The following LINS1 variants were observed in gnomAD, a reference collection of about 807,000 sequenced individuals.
LINS1 encodes the protein protein Lines homolog 1.
LINS1 carries 27 observed loss-of-function variants against 41.6 expected under a neutral mutation model. That is an observed-to-expected ratio of 0.65 (90% CI 0.48 to 0.89). The LOEUF is 0.89. Among genes scored for constraint, LINS1 ranks in the 40% least tolerant of loss-of-function variants. The probability of loss-of-function intolerance (pLI) is 0.00; values close to 1 mark genes in which losing one functional copy is unlikely to be tolerated. For synonymous variants in LINS1, 336 were observed against 312.9 expected (o/e 1.07, Z -0.78); for missense variants, 955 against 884.1 (o/e 1.08, Z -1.02).
At chr15:100,573,495 CTTTTT>C in intron 5 of LINS1, 151 bp downstream of exon 5, 1 of 612,736 alleles carries the variant, frequency 1.6e-6, no homozygotes, top group Non-Finnish European at 2.5e-6. Flanking sequence ...AAATCCAGTT[CTTTTT>C]TTTTTTTTTG....
In LINS1 at chr15:100,575,166, A is replaced by G. The variant is rs747854576; in HGVS notation, c.490-38T>C. The G allele has an allele frequency of 7.7e-6, 12 of 1,567,362 alleles. No individual in the cohort carries two copies. The African/African-American group carries it at 9.5e-5, about 12-fold the overall frequency. ...AAATAAAGCAAGCAGTTAAAATACAATATTTTCTTTACATAATACAACTGT... is the reference window on the plus strand; with the variant it reads ...AAATAAAGCAAGCAGTTAAAATACAGTATTTTCTTTACATAATACAACTGT... On this transcript the variant is annotated intron_variant, in intron 3 of 6. Coordinates refer to ENST00000314742, the MANE Select transcript of LINS1 (RefSeq NM_001040616.3).
intron 3 of LINS1, chr15:100,576,824 A>G (rs2038213735): frequency 6.6e-6 from 1 of 152,224 alleles, no homozygotes; most frequent in Non-Finnish European, 1.5e-5. Context: ...AAGCTTATCC[A>G]CCATGATCAA....
chr15:100,600,649 T>C (rs868593055), intron 1 of LINS1, among the ~76,000 whole-genome samples: 3 of 150,586 alleles, frequency 2.0e-5, no homozygotes, highest in South Asian at 2.1e-4. Flanking sequence ...GAATAAGTTG[T>C]TTCTAATTAT....
chr15:100,579,470 GAA>G (rs368732443), intron 3 of LINS1, among the ~76,000 whole-genome samples: 1 of 139,334 alleles, frequency 7.2e-6, no homozygotes. Context: ...TGACAGTAAA[GAA>G]AAAAAAAAGA....
chr15:100,593,647 T>G (rs2039133511), intron 1 of LINS1, among the ~76,000 whole-genome samples: 1 of 151,252 alleles, frequency 6.6e-6, no homozygotes, highest in Non-Finnish European at 1.5e-5. Flanking sequence ...AGGGACAGAG[T>G]CAGGATGTGA....
In LINS1 at chr15:100,580,608, T is replaced by TG; in HGVS notation, c.234dup (p.Asn79GlnfsTer43). The TG allele has an allele frequency of 6.2e-7, 1 of 1,614,036 alleles. No individual in the cohort carries two copies. Among genetic ancestry groups the TG allele is most frequent in the Non-Finnish European group, 8.5e-7 (1 of 1,179,958 alleles). ...TCTCTGGAACCGCTCATCTGAGAGT[T>TG]GGTCTTCAAACACACAGGTGCTACA... On this transcript the variant is annotated frameshift_variant, in exon 2 of 7. Transcript: ENST00000314742. LOFTEE classifies it high-confidence loss of function.
At position 100,570,085 on chromosome 15, in the gene LINS1, C is replaced by T. The variant is rs764000552; in HGVS notation, c.1427G>A (p.Gly476Glu). 2 of 1,585,472 alleles carry T rather than the reference C, an allele frequency of 1.3e-6. No homozygotes were observed. Among genetic ancestry groups the T allele is most frequent in the East Asian group, 4.5e-5 (2 of 44,804 alleles). Residue 476 changes from glycine (G) to glutamate (E), a missense_variant, in exon 7 of 7, where the codon GGA (glycine) becomes GAA (glutamate). Gly to Glu is a moderately conservative substitution (Grantham distance 98). Coordinates refer to ENST00000314742, the MANE Select transcript of LINS1 (RefSeq NM_001040616.3). Reference protein sequence around the residue: ...GCEATESLTQGKEMWDHHTHE... With the variant: ...GCEATESLTQEKEMWDHHTHE... ...TGTGTGATGGTCCCACATTTCTTTT[C>T]CCTGAGTCAAGCTTTCAGTGGCTTC...
Position 100,573,727 on chromosome 15 carries a change from A to G in LINS1, c.1146T>C (p.Leu382=). ...ELITSPDHVI[L]RAASLVIMKS... The stretch of plus-strand genomic sequence containing the variant: ...TCATTATAACTAAGCTTGCTGCTCT[A>G]AGGATCACATGATCTGGACTAGTGA... Residue 382 remains leucine (L), a synonymous_variant, in exon 5 of 7, where the codon CTT becomes CTC. Transcript: ENST00000314742. The G allele has an allele frequency of 6.2e-7, 1 of 1,613,834 alleles. No homozygotes were observed. The highest frequency in any genetic ancestry group is 8.5e-7 in the Non-Finnish European group (1 of 1,179,712).
At chr15:100,571,734 C>A (rs946323407) in intron 6 of LINS1, among the ~76,000 whole-genome samples, 160 bp downstream of exon 6, 5 of 152,182 alleles carry the variant, frequency 3.3e-5, no homozygotes, top group Non-Finnish European at 5.9e-5. Context: ...GATACAAATG[C>A]AATCTCCTTT....
intron 1 of LINS1, among the ~76,000 whole-genome samples, chr15:100,586,847 G>A (rs1424309359): frequency 6.6e-6 from 1 of 152,088 alleles, no homozygotes; most frequent in African/African-American, 2.4e-5. Context: ...TCTTAGTCTT[G>A]ATTAAAATAA....
At chr15:100,587,973 C>G (rs1180098063) in intron 1 of LINS1, among the ~76,000 whole-genome samples, 1 of 152,190 alleles carries the variant, frequency 6.6e-6, no homozygotes, top group Non-Finnish European at 1.5e-5. Context: ...GGCATGCCGG[C>G]AAAAGGGCAA....
chr15:100,570,324 T>G lies in LINS1; in HGVS notation c.1395-207A>C, dbSNP rs78493881. 1,794 of 460,790 alleles carry G rather than the reference T, an allele frequency of 3.9e-3. 7 individuals are homozygous for G. The highest frequency in any genetic ancestry group is 5.9e-3 in the Non-Finnish European group (1,549 of 260,530). The allele number at this position is 460,790 out of a possible 1,614,324, so 28.5% of individuals were successfully genotyped here. ...TCAGTAAAGCAAAATCCACTGACTTTGGCAGTTCTAGTTTTTGTCTGCCCA... is the reference window on the plus strand; with the variant it reads ...TCAGTAAAGCAAAATCCACTGACTTGGGCAGTTCTAGTTTTTGTCTGCCCA... On this transcript the variant is annotated intron_variant, in intron 6 of 6. Coordinates refer to ENST00000314742, the MANE Select transcript of LINS1 (RefSeq NM_001040616.3).
In LINS1 at chr15:100,567,420, A is replaced by G. The variant is rs138383707; in HGVS notation, c.*1818T>C. The G allele has an allele frequency of 8.3e-4, 127 of 152,368 alleles. No individual in the cohort carries two copies. Among genetic ancestry groups the G allele is most frequent in the African/African-American group, 2.9e-3 (120 of 41,586 alleles). 9.4% of individuals were successfully genotyped at this position (152,368 alleles called of 1,614,324 possible). ...AGACCTGTCTCCCAAGGCAACCACT[A>G]TTATGACTTTCTTATGTAGTCTTAC... On this transcript the variant is annotated 3_prime_UTR_variant, in exon 7 of 7. Transcript: ENST00000314742.
At position 100,575,111 on chromosome 15, in the gene LINS1, G is replaced by A; in HGVS notation, c.507C>T (p.Ser169=). ...QLREKITLSN[S]WIAFCQKNLS... Reference sequence around the variant, plus strand: ...GATTTTTCTGGCAAAAAGCAATCCAGGAATTACTTAAGGTTATCTACAAGT... The same window carrying A: ...GATTTTTCTGGCAAAAAGCAATCCAAGAATTACTTAAGGTTATCTACAAGT... Residue 169 remains serine (S), a synonymous_variant, in exon 4 of 7, where the codon TCC becomes TCT. Coordinates refer to ENST00000314742, the MANE Select transcript of LINS1 (RefSeq NM_001040616.3). The A allele has an allele frequency of 6.2e-7, 1 of 1,611,884 alleles. No individual in the cohort carries two copies. Among genetic ancestry groups the A allele is most frequent in the Non-Finnish European group, 8.5e-7 (1 of 1,179,318 alleles).
Position 100,569,305 on chromosome 15 carries a change from G to C in LINS1, c.2207C>G (p.Pro736Arg). Residue 736 changes from proline (P) to arginine (R), a missense_variant, in exon 7 of 7, where the codon CCA becomes CGA. Pro to Arg is a moderately radical substitution (Grantham distance 103, BLOSUM62 -2). Coordinates refer to ENST00000314742, the MANE Select transcript of LINS1 (RefSeq NM_001040616.3). ...TTTTAACAACTTCAAAAGTGCAGTT[G>C]GATTATATGGGAAAAGATTTTTCTT... is the stretch of plus-strand genomic sequence containing the variant. Reference protein sequence around the residue: ...LQKKNLFPYNPTALLKLLKYI... With the variant: ...LQKKNLFPYNRTALLKLLKYI... The C allele has an allele frequency of 4.3e-6, 7 of 1,612,622 alleles. No individual in the cohort carries two copies. The highest frequency in any genetic ancestry group is 5.9e-6 in the Non-Finnish European group (7 of 1,178,708).
In LINS1 at chr15:100,580,333, G is replaced by T; in HGVS notation, c.419C>A (p.Ser140Ter). 6.2e-7 allele frequency: 1 copy of T among 1,612,670 alleles called. No individual in the cohort carries two copies. The highest frequency in any genetic ancestry group is 8.5e-7 in the Non-Finnish European group (1 of 1,178,970). The stretch of plus-strand genomic sequence containing the variant: ...AGCCATGTGAGATAACAATTTATCT[G>T]AATTTTGGAACATGCAGATCTACAG... ...DSKLICMFQNSDKLLSHMAAQ... is the reference protein window; with the variant it reads ...DSKLICMFQN Residue 140 changes from serine (S) to a stop codon, truncating the protein, a stop_gained, in exon 3 of 7, where the codon TCA becomes TAA. Coordinates refer to ENST00000314742, the MANE Select transcript of LINS1 (RefSeq NM_001040616.3). LOFTEE classifies it high-confidence loss of function.
intron 6 of LINS1, among the ~76,000 whole-genome samples, chr15:100,570,870 A>G (rs1452799221): frequency 1.3e-5 from 2 of 152,194 alleles, no homozygotes; most frequent in Non-Finnish European, 2.9e-5. Context: ...AAAACTATCT[A>G]TGTTGTAAGC....
Position 100,569,631 on chromosome 15 carries a change from T to C in LINS1, c.1881A>G (p.Val627=). ...LSSPRASQSL[V]DYDSSDDSDV... is the part of the protein sequence containing the mutation. The stretch of plus-strand genomic sequence containing the variant: ...CAGAATCGTCAGAGCTGTCGTAATC[T>C]ACCAGACTTTGAGAGGCCCGGGGGG... Residue 627 remains valine, a synonymous_variant, in exon 7 of 7, where the codon GTA becomes GTG. Coordinates refer to ENST00000314742, the MANE Select transcript of LINS1 (RefSeq NM_001040616.3). The C allele has an allele frequency of 1.2e-6, 2 of 1,613,212 alleles. No individual in the cohort carries two copies. The highest frequency in any genetic ancestry group is 8.5e-7 in the Non-Finnish European group (1 of 1,179,280).
rs2037641012 is a variant in LINS1, at chr15:100,568,705, C to T, written c.*533G>A. The T allele has an allele frequency of 6.5e-6, 1 of 153,188 alleles. No individual in the cohort carries two copies. Among genetic ancestry groups the T allele is most frequent in the Admixed American group, 6.5e-5 (1 of 15,412 alleles). The allele number at this position is 153,188 out of a possible 1,614,324, so 9.5% of individuals were successfully genotyped here. A position where few individuals can be genotyped will look rare whatever the true frequency, so the allele number is the denominator to read the frequency against. ...AGCTGAGGAACGCAATCACCACCCC[C>T]GATTTTGTGTCACTTAGAACTGCCA... On this transcript the variant is annotated 3_prime_UTR_variant, in exon 7 of 7. Transcript: ENST00000314742.
Sources: gnomAD v4.1 joint callset for allele counts (sites outside exome capture counted in the v4.1 genomes callset) on GRCh38, gnomAD v4.1.1 for gene constraint, MANE v1.5 for transcripts, NCBI Gene and HGNC (gene_info 2026-07-23, HGNC 2026-07-21) for gene names.